The following WDR62 variants were observed in gnomAD, a reference collection of about 807,000 sequenced individuals.
WDR62 encodes WD repeat domain 62.
Under a neutral mutation model 160.6 loss-of-function variants are expected in WDR62, and 112 were observed. That is an observed-to-expected ratio of 0.70 (90% CI 0.60 to 0.82). The LOEUF is 0.82. WDR62 is among the 40% of genes least tolerant of loss of function. The probability of loss-of-function intolerance (pLI) is 0.00; values close to 1 mark genes in which losing one functional copy is unlikely to be tolerated. For synonymous variants in WDR62, 792 were observed against 815.1 expected (o/e 0.97, Z 0.48); for missense variants, 1,819 against 1,983.8 (o/e 0.92, Z 1.58).
intron 9 of WDR62, among the ~76,000 whole-genome samples, chr19:36,079,034 C>G (rs895813865): frequency 6.6e-6 from 1 of 151,598 alleles, no homozygotes; most frequent in African/African-American, 2.4e-5. Flanking sequence ...GATTTTCCAA[C>G]TACACAAGAA....
intron 15 of WDR62, among the ~76,000 whole-genome samples, chr19:36,089,979 G>T (rs1463559217): frequency 1.3e-5 from 2 of 152,240 alleles, no homozygotes; most frequent in Non-Finnish European, 2.9e-5. Context: ...CAGTCCAGTA[G>T]AATGGACACG....
At chr19:36,106,228 T>G (rs1188083111), downstream of WDR62, among the ~76,000 whole-genome samples, 1 of 152,030 alleles carries the variant, frequency 6.6e-6, no homozygotes, top group East Asian at 1.9e-4. Flanking sequence ...GGCTGGGGTG[T>G]GGTGGTGCAC....
intron 3 of WDR62, among the ~76,000 whole-genome samples, chr19:36,064,585 CT>C (rs1970837382): frequency 6.7e-6 from 1 of 149,634 alleles, no homozygotes; most frequent in Non-Finnish European, 1.5e-5. Context: ...AGCCCCACTT[CT>C]TTTTTTCTCT....
At chr19:36,101,937 G>A (rs1009126542) in intron 25 of WDR62, 77 bp from the exon 26 acceptor site, 13 of 1,605,998 alleles carry the variant, frequency 8.1e-6, no homozygotes, top group African/African-American at 2.7e-5. Context: ...GGTGGGGCCC[G>A]CTTTCTCCAT....
intron 4 of WDR62, 101 bp from the exon 5 acceptor site, chr19:36,066,156 C>T (rs1599757770): frequency 6.3e-7 from 1 of 1,594,756 alleles, no homozygotes; most frequent in South Asian, 1.1e-5. Flanking sequence ...GGGGAGGTGG[C>T]TTTTGGGCAC....
At chr19:36,084,866 G>A (rs1285121679) in intron 12 of WDR62, 122 bp downstream of exon 12, 12 of 902,654 alleles carry the variant, frequency 1.3e-5, no homozygotes, top group Admixed American at 4.0e-5. Flanking sequence ...TTTTGTGTTC[G>A]GTAAGGGCCC....
At position 36,103,414 on chromosome 19, in the gene WDR62, A is replaced by ACGCCCACATCTG. The variant is rs1973513834; in HGVS notation, c.3588_3599dup (p.Ser1199_Thr1202dup). On this transcript the variant is annotated inframe_insertion, in exon 30 of 32. Transcript: ENST00000401500. ...GCTGCCCACAGACAGGAATCTCCCAACGCCCACATCTGCACCCACCCCAGG... is the reference window on the plus strand; with the variant it reads ...GCTGCCCACAGACAGGAATCTCCCAACGCCCACATCTGCGCCCACATCTGCACCCACCCCAGG... 5 of 1,613,422 alleles carry ACGCCCACATCTG rather than the reference A, an allele frequency of 3.1e-6. No homozygotes were observed. The highest frequency in any genetic ancestry group is 4.2e-6 in the Non-Finnish European group (5 of 1,179,826).
chr19:36,073,857 C>T, intron 9 of WDR62: 2 of 405,022 alleles, frequency 4.9e-6, no homozygotes, highest in South Asian at 1.9e-5. Context: ...TCCCTGAGGA[C>T]ATATGAGCAG....
chr19:36,079,336 C>T (rs1971760697), intron 9 of WDR62, among the ~76,000 whole-genome samples: 1 of 152,206 alleles, frequency 6.6e-6, no homozygotes, highest in African/African-American at 2.4e-5. Flanking sequence ...GCCTCAGCCT[C>T]CCAAAGTGCT....
chr19:36,103,376 C>G lies in WDR62; in HGVS notation c.3548C>G (p.Pro1183Arg). 1 of 1,613,940 alleles carries G rather than the reference C, an allele frequency of 6.2e-7. No individual in the cohort carries two copies. The highest frequency in any genetic ancestry group is 8.5e-7 in the Non-Finnish European group (1 of 1,179,972). The change falls in exon 30 of 32, where the codon CCT becomes CGT. Residue 1183 changes from proline (P) to arginine (R), a missense_variant. Pro to Arg is a moderately radical substitution (Grantham distance 103). Around this residue, in one of 3 missense-constraint regions of WDR62, gnomAD observed 770 missense variants for 734.2 expected, o/e 1.05. Coordinates refer to ENST00000401500, the MANE Select transcript of WDR62 (RefSeq NM_001083961.2). ...PCLTSLASCVPASSVLPTDRN... is the reference protein window; with the variant it reads ...PCLTSLASCVRASSVLPTDRN... ...CTTACGAGCCTGGCGTCCTGTGTCC[C>G]TGCTTCCTCCGTGCTGCCCACAGAC...
intron 10 of WDR62, 162 bp downstream of exon 10, chr19:36,081,732 T>C (rs1599792530): frequency 1.2e-6 from 1 of 855,942 alleles, no homozygotes; most frequent in East Asian, 2.6e-5. Context: ...CTGCCTCTTG[T>C]TTCTCTTTCT....
At chr19:36,055,537 C>G (rs1242588374) in intron 1 of WDR62, among the ~76,000 whole-genome samples, 1 of 152,222 alleles carries the variant, frequency 6.6e-6, no homozygotes, top group South Asian at 2.1e-4. Flanking sequence ...TTCGAGGGTT[C>G]GGTCCAGAGT....
intron 1 of WDR62, among the ~76,000 whole-genome samples, chr19:36,055,931 G>T (rs1970340915): frequency 6.6e-6 from 1 of 152,178 alleles, no homozygotes; most frequent in South Asian, 2.1e-4. Context: ...CACTTTGGGA[G>T]GCCAAGGTGG....
chr19:36,089,988 C>T (rs1052363362), intron 15 of WDR62, among the ~76,000 whole-genome samples: 2 of 152,224 alleles, frequency 1.3e-5, no homozygotes, highest in East Asian at 1.9e-4. Context: ...AGAATGGACA[C>T]GGCCACCTCA....
rs560079876 is a variant in WDR62 at position 36,069,359 on chromosome 19, C to T, written c.882+1349C>T. Among the ~76,000 whole-genome samples the T allele has an allele frequency of 1.2e-3, 188 of 152,050 alleles. 1 individual carries two copies. The highest frequency in any genetic ancestry group is 4.4e-3 in the African/African-American group (181 of 41,488). On this transcript the variant is annotated intron_variant, in intron 7 of 31. Coordinates refer to ENST00000401500, the MANE Select transcript of WDR62 (RefSeq NM_001083961.2). ...GCTCCTCACCTCCCAGACAGGGTCG[C>T]GGCCGGGTAGAGGCGCTCCTCACAT... is the stretch of plus-strand genomic sequence containing the variant.
chr19:36,058,159 C>CT (rs1970461060), intron 1 of WDR62, among the ~76,000 whole-genome samples: 1 of 152,188 alleles, frequency 6.6e-6, no homozygotes. Context: ...CGAGGCCAGC[C>CT]TGGCCAACAT....
the WDR62 span, among the ~76,000 whole-genome samples, chr19:36,110,601 G>A: frequency 2.0e-5 from 3 of 152,208 alleles, no homozygotes; most frequent in South Asian, 2.1e-4. Context: ...TGCTACACCT[G>A]AACAGTGCTT....
intron 7 of WDR62, among the ~76,000 whole-genome samples, chr19:36,069,584 G>A (rs1008890931): frequency 2.0e-5 from 3 of 152,114 alleles, no homozygotes; most frequent in Admixed American, 6.5e-5. Context: ...CTTCCCAGAC[G>A]GGGTGGCGGC....
chr19:36,094,871 AAAG>A (rs1972863661), intron 20 of WDR62, among the ~76,000 whole-genome samples: 1 of 152,056 alleles, frequency 6.6e-6, no homozygotes, highest in Non-Finnish European at 1.5e-5. Flanking sequence ...GTTCCTACAA[AAAG>A]AAAAAAATTA....
Sources: gnomAD v4.1 joint callset for allele counts (sites outside exome capture counted in the v4.1 genomes callset) on GRCh38, gnomAD v4.1.1 for gene constraint, gnomAD v4.1.1 regional missense constraint, MANE v1.5 for transcripts, NCBI Gene and HGNC (gene_info 2026-07-23, HGNC 2026-07-21) for gene names.